The following GRID2 variants were observed in gnomAD, a reference collection of about 807,000 sequenced individuals.
GRID2 encodes the protein glutamate receptor ionotropic, delta-2.
In GRID2, 33 loss-of-function variants were observed where a neutral mutation model predicts 114.8. The observed-to-expected ratio is 0.29, with a 90% CI of 0.22 to 0.38. The LOEUF (loss-of-function observed/expected upper bound fraction) is 0.38, where lower values mean the gene tolerates loss of function less well. Ranked by LOEUF, GRID2 falls within the 10% of genes least tolerant of loss-of-function variation. The pLI is 1.00. For missense variants in GRID2, 1,184 were observed against 1,257.7 expected, an observed-to-expected ratio of 0.94 and a Z score of 0.89; for synonymous variants, 505 against 449.9, an observed-to-expected ratio of 1.12 and a Z score of -1.55.
intron 2 of GRID2, among the ~76,000 whole-genome samples, chr4:92,718,660 G>A (rs1203028826): frequency 6.7e-6 from 1 of 149,764 alleles, no homozygotes; most frequent in African/African-American, 2.5e-5. Flanking sequence ...ATGATCAGGA[G>A]GCTCAGGCAG....
intron 8 of GRID2, among the ~76,000 whole-genome samples, chr4:93,324,930 C>T (rs989706075): frequency 1.3e-5 from 2 of 151,840 alleles, no homozygotes; most frequent in African/African-American, 4.8e-5. Flanking sequence ...TCTCTCTTTT[C>T]TTCTTTATTA....
chr4:92,890,227 C>T (rs527532997), intron 2 of GRID2, among the ~76,000 whole-genome samples: 1 of 152,268 alleles, frequency 6.6e-6, no homozygotes, highest in East Asian at 1.9e-4. Context: ...ATGACAAAAA[C>T]ATCTGAAGCA....
rs573470812 is a variant in GRID2, at chr4:92,997,037, G to T, written c.245-87958G>T. ...TACGTTAGGTACCAACTGCTGTCTT[G>T]ATGATTATCAAAAAGCATCATCATG... On this transcript the variant is annotated intron_variant, in intron 2 of 15. Transcript: ENST00000282020. 2.5e-3 allele frequency among the ~76,000 whole-genome samples: 380 copies of T among 152,246 alleles called. 3 individuals carry two copies. The highest frequency in any genetic ancestry group is 8.8e-3 in the African/African-American group (367 of 41,536).
At chr4:93,629,611 T>A (rs550403188) in intron 14 of GRID2, among the ~76,000 whole-genome samples, 1 of 152,336 alleles carries the variant, frequency 6.6e-6, no homozygotes, top group Non-Finnish European at 1.5e-5. Flanking sequence ...GTTTTATACA[T>A]CAGCATCCGG....
intron 2 of GRID2, among the ~76,000 whole-genome samples, chr4:92,842,644 C>G (rs556189745): frequency 6.6e-6 from 1 of 152,050 alleles, no homozygotes; most frequent in South Asian, 2.1e-4. Flanking sequence ...TATTTTTTCT[C>G]CTTGCCTAGA....
intron 1 of GRID2, among the ~76,000 whole-genome samples, chr4:92,309,998 G>A (rs1725612071): frequency 6.6e-6 from 1 of 151,064 alleles, no homozygotes; most frequent in African/African-American, 2.4e-5. Context: ...ATAGAGTTGT[G>A]GGGAAAAAAA....
intron 9 of GRID2, among the ~76,000 whole-genome samples, chr4:93,395,932 A>C (rs1176071209): frequency 6.6e-6 from 1 of 151,960 alleles, no homozygotes; most frequent in African/African-American, 2.4e-5. Flanking sequence ...GAATTTTCTT[A>C]GAAATTTTAG....
chr4:92,314,186 G>T (rs930445633), intron 1 of GRID2, among the ~76,000 whole-genome samples: 2 of 151,922 alleles, frequency 1.3e-5, no homozygotes, highest in Non-Finnish European at 2.9e-5. Flanking sequence ...TTAGAGTTTA[G>T]ATTTCATTTA....
At chr4:92,313,107 G>A (rs1480999109) in intron 1 of GRID2, among the ~76,000 whole-genome samples, 3 of 151,488 alleles carry the variant, frequency 2.0e-5, no homozygotes, top group Non-Finnish European at 4.4e-5. Context: ...GTGTGTGTGT[G>A]TGTGTGTGTG....
At chr4:93,794,761 C>A (rs962534363) in intron 1 of GRID2, among the ~76,000 whole-genome samples, 4 of 152,122 alleles carry the variant, frequency 2.6e-5, no homozygotes, top group African/African-American at 9.7e-5. Context: ...TAACCAGTTT[C>A]TTCTTCCATT....
At chr4:92,663,158 C>CT (rs1386882314) in intron 2 of GRID2, among the ~76,000 whole-genome samples, 1 of 150,986 alleles carries the variant, frequency 6.6e-6, no homozygotes, top group East Asian at 1.9e-4. Context: ...ACTTGATACT[C>CT]TAAAAAGAAA....
intron 4 of GRID2, among the ~76,000 whole-genome samples, chr4:93,150,094 AT>A (rs1211953936): frequency 6.6e-6 from 1 of 152,134 alleles, no homozygotes; most frequent in Non-Finnish European, 1.5e-5. Context: ...CTAGAAAAAT[AT>A]TTTTTTAAGA....
chr4:92,471,317 T>G (rs183138309), intron 1 of GRID2, among the ~76,000 whole-genome samples: 1 of 152,206 alleles, frequency 6.6e-6, no homozygotes, highest in Admixed American at 6.5e-5. Context: ...CTATATAATG[T>G]TACATGACTC....
intron 9 of GRID2, among the ~76,000 whole-genome samples, chr4:93,398,208 C>T (rs1765542848): frequency 6.7e-6 from 1 of 148,726 alleles, no homozygotes; most frequent in Admixed American, 6.7e-5. Context: ...AATTTGAATC[C>T]TAACTCTGCT....
At chr4:92,709,274 ATTAT>A (rs1482118715) in intron 2 of GRID2, among the ~76,000 whole-genome samples, 1 of 152,178 alleles carries the variant, frequency 6.6e-6, no homozygotes, top group Admixed American at 6.5e-5. Flanking sequence ...TTTAATAGTA[ATTAT>A]TAAATAAGTA....
intron 2 of GRID2, among the ~76,000 whole-genome samples, chr4:92,732,743 AC>A (rs1449615500): frequency 6.6e-6 from 1 of 152,000 alleles, no homozygotes; most frequent in Non-Finnish European, 1.5e-5. Context: ...CTATCTATCT[AC>A]CTATCTAACA....
chr4:93,615,197 T>A (rs1471889121), intron 13 of GRID2, among the ~76,000 whole-genome samples: 2 of 152,220 alleles, frequency 1.3e-5, no homozygotes, highest in Non-Finnish European at 2.9e-5. Flanking sequence ...TCCAAAAAGA[T>A]GTCCATACTC....
chr4:92,683,753 C>A (rs1158213369), intron 2 of GRID2, among the ~76,000 whole-genome samples: 7 of 151,390 alleles, frequency 4.6e-5, no homozygotes, highest in Non-Finnish European at 5.9e-5. Context: ...ACAAATTTAG[C>A]TATTTTATTA....
At chr4:93,716,703 C>T (rs1224335382) in intron 14 of GRID2, among the ~76,000 whole-genome samples, 1 of 151,872 alleles carries the variant, frequency 6.6e-6, no homozygotes, top group African/African-American at 2.4e-5. Flanking sequence ...AAAATCAATA[C>T]ATACTTAAAT....
Sources: allele counts gnomAD v4.1 joint callset (sites outside exome capture counted in the v4.1 genomes callset), GRCh38; gene constraint gnomAD v4.1.1; transcripts MANE v1.5; gene names NCBI Gene and HGNC (gene_info 2026-07-23, HGNC 2026-07-21).